MEAF6: variants seen among roughly 807,000 people sequenced by gnomAD.
MEAF6 encodes the protein chromatin modification-related protein MEAF6.
MEAF6 carries 15 observed loss-of-function variants against 28.9 expected under a neutral mutation model. The ratio of observed to expected loss-of-function variants is 0.52; its 90% CI spans 0.35 to 0.80. The LOEUF (loss-of-function observed/expected upper bound fraction) is 0.80. Among genes scored for constraint, MEAF6 ranks in the 30% least tolerant of loss-of-function variants. The probability of loss-of-function intolerance (pLI) is 0.01; values close to 1 mark genes in which losing one functional copy is unlikely to be tolerated. For missense variants in MEAF6, 178 were observed against 237.5 expected, an observed-to-expected ratio of 0.75 and a Z score of 1.65; for synonymous variants, 97 against 88.7, an observed-to-expected ratio of 1.09 and a Z score of -0.53.
chr1:37,510,745 G>T (rs1011784261), intron 2 of MEAF6, among the ~76,000 whole-genome samples: 1 of 150,806 alleles, frequency 6.6e-6, no homozygotes, highest in East Asian at 2.0e-4. Context: ...TTTTTGAGAC[G>T]GAGTTTCACT....
intron 5 of MEAF6, among the ~76,000 whole-genome samples, chr1:37,497,374 T>C (rs1201523602): frequency 3.3e-5 from 5 of 151,590 alleles, no homozygotes; most frequent in African/African-American, 4.8e-5. Context: ...TCAAGTTATA[T>C]GTTCTAAACA....
chr1:37,498,776 G>C (rs1253448540), intron 5 of MEAF6, among the ~76,000 whole-genome samples: 1 of 152,056 alleles, frequency 6.6e-6, no homozygotes, highest in Non-Finnish European at 1.5e-5. Flanking sequence ...TACCAGGAAT[G>C]ACATACTGTT....
At position 37,503,732 on chromosome 1, in the gene MEAF6, G is replaced by C. The variant is rs572845941; in HGVS notation, c.341-1736C>G. ...TAATCCCAGCACTTTGGGAGGCCGAGGTGGGTGGATCACCTGAGGTCAGGA... is the reference window on the plus strand; with the variant it reads ...TAATCCCAGCACTTTGGGAGGCCGACGTGGGTGGATCACCTGAGGTCAGGA... On this transcript the variant is annotated intron_variant, in intron 4 of 6. Transcript: ENST00000296214. Among the ~76,000 whole-genome samples, 20 of 151,596 alleles carry C rather than the reference G, an allele frequency of 1.3e-4. No homozygotes were observed. In the South Asian group the frequency reaches 3.8e-3, roughly 29 times the overall value.
In MEAF6 at chr1:37,490,699, A is replaced by T. The variant is rs949884283; in HGVS notation, c.*3400T>A. The stretch of plus-strand genomic sequence containing the variant: ...GCAGCTGGGACTAAAGGTGCATATC[A>T]CCATGCCCAGCTTGATGTGAATTTT... On this transcript the variant is annotated 3_prime_UTR_variant, in exon 7 of 7. Transcript: ENST00000296214. 6.6e-6 allele frequency among the ~76,000 whole-genome samples: 1 copy of T among 152,158 alleles called. No homozygotes were observed. The highest frequency in any genetic ancestry group is 6.6e-5 in the Admixed American group (1 of 15,260).
At chr1:37,502,895 C>T (rs1251849354) in intron 4 of MEAF6, among the ~76,000 whole-genome samples, 3 of 152,112 alleles carry the variant, frequency 2.0e-5, no homozygotes, top group African/African-American at 7.2e-5. Flanking sequence ...GCTGAGATTA[C>T]AGGCATGAGC....
chr1:37,496,823 T>A, intron 5 of MEAF6: 1 of 1,370,770 alleles, frequency 7.3e-7, no homozygotes, highest in Non-Finnish European at 9.7e-7. Context: ...CTAGCAAGAA[T>A]TGTAGAAACA....
chr1:37,495,716 A>AAC (rs1642109833), intron 6 of MEAF6, among the ~76,000 whole-genome samples, 169 bp downstream of exon 6: 2 of 129,704 alleles, frequency 1.5e-5, no homozygotes, highest in Non-Finnish European at 1.7e-5. Context: ...AAAAAAAAAA[A>AAC]AAACAAAAAA....
In MEAF6 at chr1:37,493,940, G is replaced by C; in HGVS notation, c.*159C>G. On this transcript the variant is annotated 3_prime_UTR_variant, in exon 7 of 7. Coordinates refer to ENST00000296214, the MANE Select transcript of MEAF6 (RefSeq NM_001270875.3). Reference sequence around the variant, plus strand: ...AATGTCTTACAGAAATGACTTGTTTGTCACCACATTTAGAACAAACTACTC... The same window carrying C: ...AATGTCTTACAGAAATGACTTGTTTCTCACCACATTTAGAACAAACTACTC... 1 of 1,576,490 alleles carries C rather than the reference G, an allele frequency of 6.3e-7. No homozygotes were observed. The highest frequency in any genetic ancestry group is 8.6e-7 in the Non-Finnish European group (1 of 1,164,160).
chr1:37,499,833 C>T (rs1360425693), intron 5 of MEAF6, among the ~76,000 whole-genome samples: 1 of 152,148 alleles, frequency 6.6e-6, no homozygotes, highest in Non-Finnish European at 1.5e-5. Flanking sequence ...AAGTTTAGCT[C>T]CTCTTTAACT....
At chr1:37,494,170 G>C in intron 6 of MEAF6, 63 bp from the exon 7 acceptor site, 2 of 1,327,498 alleles carry the variant, frequency 1.5e-6, no homozygotes. Context: ...GACCCTAAAG[G>C]AAAAAAAAAA....
chr1:37,502,615 CTTTTT>C (rs35429238), intron 4 of MEAF6, among the ~76,000 whole-genome samples: 1 of 109,690 alleles, frequency 9.1e-6, no homozygotes, highest in Non-Finnish European at 1.9e-5. Flanking sequence ...CCTCGTAAGT[CTTTTT>C]TTTTTTTTTT....
Position 37,496,049 on chromosome 1 carries a change from CTA to C in MEAF6, c.534-133_534-132del, listed in dbSNP as rs1642122316. 16 of 723,418 alleles carry C rather than the reference CTA, an allele frequency of 2.2e-5. 1 individual carries two copies. The South Asian group carries it at 2.5e-4, about 11-fold the overall frequency. 44.8% of individuals were successfully genotyped at this position (723,418 alleles called of 1,614,324 possible). On this transcript the variant is annotated intron_variant, in intron 5 of 6. Transcript: ENST00000296214. ...AGAAAAATCCACATTCTTCATTAGACTATGTCATATTTAGTTGTTTACCCAGA... is the reference window on the plus strand; with the variant it reads ...AGAAAAATCCACATTCTTCATTAGACTGTCATATTTAGTTGTTTACCCAGA...
Position 37,495,936 on chromosome 1 carries a change from A to C in MEAF6, c.534-18T>G. ...GATCAATCCTGTGACAGAAAAGATA[A>C]AAGATATTTCCATTTTAATTTACAG... On this transcript the variant is annotated intron_variant, in intron 5 of 6. Transcript: ENST00000296214. The C allele has an allele frequency of 6.2e-7, 1 of 1,611,290 alleles. No individual in the cohort carries two copies.
chr1:37,506,498 AAT>A (rs1642487450), intron 4 of MEAF6, among the ~76,000 whole-genome samples: 1 of 152,148 alleles, frequency 6.6e-6, no homozygotes, highest in Non-Finnish European at 1.5e-5. Flanking sequence ...CAGCCTCCTG[AAT>A]CACTGGGGCT....
chr1:37,496,007 C>T (rs1642120917), intron 5 of MEAF6, 89 bp from the exon 6 acceptor site: 1 of 1,076,330 alleles, frequency 9.3e-7, no homozygotes, highest in Non-Finnish European at 1.4e-6. Context: ...TAAGCTATAA[C>T]AAAGACTATT....
In MEAF6 at chr1:37,490,570, G is replaced by C. The variant is rs919366736; in HGVS notation, c.*3529C>G. On this transcript the variant is annotated 3_prime_UTR_variant, in exon 7 of 7. Coordinates refer to ENST00000296214, the MANE Select transcript of MEAF6 (RefSeq NM_001270875.3). ...TCTGTTGGAGACAGCGTCTTGCTAC[G>C]TTACTCAGGCTGAAGTGCAGTGGCC... is the stretch of plus-strand genomic sequence containing the variant. Among the ~76,000 whole-genome samples, 2 of 152,142 alleles carry C rather than the reference G, an allele frequency of 1.3e-5. No homozygotes were observed. Among genetic ancestry groups the C allele is most frequent in the Non-Finnish European group, 2.9e-5 (2 of 68,036 alleles).
At position 37,492,339 on chromosome 1, in the gene MEAF6, A is replaced by C. The variant is rs1045689588; in HGVS notation, c.*1760T>G. 6.6e-6 allele frequency among the ~76,000 whole-genome samples: 1 copy of C among 151,920 alleles called. No homozygotes were observed. Among genetic ancestry groups the C allele is most frequent in the Admixed American group, 6.6e-5 (1 of 15,214 alleles). On this transcript the variant is annotated 3_prime_UTR_variant, in exon 7 of 7. Coordinates refer to ENST00000296214, the MANE Select transcript of MEAF6 (RefSeq NM_001270875.3). Reference sequence around the variant, plus strand: ...CACCGCACCCAGCCCAAGAGTCAAAAATATTTTAAGGTCTGCTGTGTGCTT... The same window carrying C: ...CACCGCACCCAGCCCAAGAGTCAAACATATTTTAAGGTCTGCTGTGTGCTT...
Position 37,490,778 on chromosome 1 carries a change from G to A in MEAF6, c.*3321C>T, listed in dbSNP as rs1201439682. Reference sequence around the variant, plus strand: ...GCAGTGGCTCACGCCTGTAATCCTAGCACTTTGGGAGGCTGAGGCAGGTGG... The same window carrying A: ...GCAGTGGCTCACGCCTGTAATCCTAACACTTTGGGAGGCTGAGGCAGGTGG... On this transcript the variant is annotated 3_prime_UTR_variant, in exon 7 of 7. Coordinates refer to ENST00000296214, the MANE Select transcript of MEAF6 (RefSeq NM_001270875.3). Among the ~76,000 whole-genome samples the A allele has an allele frequency of 6.6e-6, 1 of 152,280 alleles. No homozygotes were observed. Among genetic ancestry groups the A allele is most frequent in the Admixed American group, 6.5e-5 (1 of 15,298 alleles).
At chr1:37,494,270 C>T (rs954672473) in intron 6 of MEAF6, among the ~76,000 whole-genome samples, 163 bp from the exon 7 acceptor site, 1 of 152,076 alleles carries the variant, frequency 6.6e-6, no homozygotes, top group African/African-American at 2.4e-5. Context: ...AATCCCAGCA[C>T]TTTGGGAAGC....
Sources: allele counts gnomAD v4.1 joint callset (sites outside exome capture counted in the v4.1 genomes callset), GRCh38; gene constraint gnomAD v4.1.1; transcripts MANE v1.5; gene names NCBI Gene and HGNC (gene_info 2026-07-23, HGNC 2026-07-21).